Variants in BARD1 observed in about 807,000 individuals in gnomAD.
BARD1 encodes BRCA1 associated RING domain 1, also known as BRCA1-associated RING domain protein 1.
Under a neutral mutation model 77.0 loss-of-function variants are expected in BARD1, and 73 were observed. That is an observed-to-expected ratio of 0.95 (90% CI 0.79 to 1.15). The LOEUF (loss-of-function observed/expected upper bound fraction) is 1.15. Among genes scored for constraint, BARD1 ranks in the 50% most tolerant of loss-of-function variants. BARD1 has a pLI of 0.00. For synonymous variants in BARD1, 384 were observed against 338.0 expected (o/e 1.14, Z -1.49); for missense variants, 993 against 938.8 (o/e 1.06, Z -0.75).
At chr2:214,807,218 A>C (rs2106165161) in intron 1 of BARD1, among the ~76,000 whole-genome samples, 1 of 151,820 alleles carries the variant, frequency 6.6e-6, no homozygotes, top group Admixed American at 6.6e-5. Flanking sequence ...TTCGGATTAA[A>C]AAAAAAAAAA....
At position 214,745,853 on chromosome 2, in the gene BARD1, ATC is replaced by A. The variant is rs1553615184; in HGVS notation, c.1678-1_1678del. ...TCCATCCCTACGCTGCCCAGTGTTC[ATC>A]TGTTAATATAAAAGGAGATACCAGT... On this transcript the variant is annotated splice_acceptor_variant and coding_sequence_variant, in exon 8 of 11. Transcript: ENST00000260947. LOFTEE classifies it high-confidence loss of function. 1 of 1,614,010 alleles carries A rather than the reference ATC, an allele frequency of 6.2e-7. No individual in the cohort carries two copies. The highest frequency in any genetic ancestry group is 8.5e-7 in the Non-Finnish European group (1 of 1,179,958).
chr2:214,738,628 A>C (rs1296002424), intron 9 of BARD1, among the ~76,000 whole-genome samples: 3 of 152,178 alleles, frequency 2.0e-5, no homozygotes, highest in Admixed American at 2.0e-4. Flanking sequence ...CCTATAATAA[A>C]AAAAGATAAC....
At chr2:214,807,131 C>T (rs1350639429) in intron 1 of BARD1, among the ~76,000 whole-genome samples, 1 of 151,796 alleles carries the variant, frequency 6.6e-6, no homozygotes, top group African/African-American at 2.4e-5. Flanking sequence ...ATTACCTGGC[C>T]CTTTACCGAA....
Position 214,809,628 on chromosome 2 carries a change from A to G in BARD1, c.-59T>C. 6.6e-7 allele frequency: 1 copy of G among 1,515,778 alleles called. No individual in the cohort carries two copies. The highest frequency in any genetic ancestry group is 8.8e-7 in the Non-Finnish European group (1 of 1,131,172). 93.9% of individuals were successfully genotyped at this position (1,515,778 alleles called of 1,614,324 possible). On this transcript the variant is annotated 5_prime_UTR_variant, in exon 1 of 11. Coordinates refer to ENST00000260947, the MANE Select transcript of BARD1 (RefSeq NM_000465.4). ...GCGGGAAGCAAGGAAGCCTCGGGAA[A>G]CCACAGGGAAGCTGCAGGCCAGCGA...
chr2:214,781,247 T>C lies in BARD1; in HGVS notation c.627A>G (p.Lys209=), dbSNP rs772625144. 3 of 1,595,338 alleles carry C rather than the reference T, an allele frequency of 1.9e-6. 1 individual carries two copies. The highest frequency in any genetic ancestry group is 2.3e-5 in the South Asian group (2 of 85,954). The change falls in exon 4 of 11, where the codon AAA becomes AAG. Residue 209 remains lysine, a synonymous_variant. Transcript: ENST00000260947. ...SARSGKKQKK[K]TLAEINQKWN... is the part of the protein sequence containing the mutation. ...ATTTTTGGTTGATTTCAGCTAAAGT[T>C]TTCTTTTTTTGCTTTTTTCCAGATC...
intron 6 of BARD1, among the ~76,000 whole-genome samples, chr2:214,764,678 C>A (rs754173397): frequency 6.6e-6 from 1 of 152,052 alleles, no homozygotes; most frequent in South Asian, 2.1e-4. Flanking sequence ...GAGGAAGCCA[C>A]GGAAGGATTT....
chr2:214,809,371 C>G (rs555835196), intron 1 of BARD1, 41 bp downstream of exon 1: 1 of 1,609,980 alleles, frequency 6.2e-7, no homozygotes. Context: ...AACTGTGCGA[C>G]CCGTGCCCTC....
chr2:214,779,395 T>C (rs982292394), intron 4 of BARD1, among the ~76,000 whole-genome samples: 8 of 151,588 alleles, frequency 5.3e-5, no homozygotes, highest in Admixed American at 5.2e-4. Context: ...TTTTTTAATT[T>C]GCATTTTTTT....
chr2:214,728,489 C>G lies in BARD1; in HGVS notation c.*187G>C. ...AAAGAAAAACCTTTAAAAGCAATCCCAGCTTCTAAATGGTAAACATAACAT... is the reference window on the plus strand; with the variant it reads ...AAAGAAAAACCTTTAAAAGCAATCCGAGCTTCTAAATGGTAAACATAACAT... On this transcript the variant is annotated 3_prime_UTR_variant, in exon 11 of 11. Transcript: ENST00000260947. 1.6e-6 allele frequency: 1 copy of G among 631,100 alleles called. No individual in the cohort carries two copies. Among genetic ancestry groups the G allele is most frequent in the South Asian group, 2.1e-5 (1 of 47,742 alleles). The allele number at this position is 631,100 out of a possible 1,614,324, so 39.1% of individuals were successfully genotyped here.
At chr2:214,741,794 T>C (rs762109690) in intron 9 of BARD1, among the ~76,000 whole-genome samples, 3 of 152,326 alleles carry the variant, frequency 2.0e-5, no homozygotes, top group Middle Eastern at 3.4e-3. Flanking sequence ...GCTAAGTTCA[T>C]TAATTATGGC....
chr2:214,734,613 A>G (rs1004152487), intron 9 of BARD1, among the ~76,000 whole-genome samples: 3 of 152,122 alleles, frequency 2.0e-5, no homozygotes, highest in African/African-American at 7.2e-5. Context: ...TGCTCTGAAA[A>G]CTTTAATTTT....
intron 3 of BARD1, among the ~76,000 whole-genome samples, chr2:214,785,326 T>C (rs1374144160): frequency 6.6e-6 from 1 of 152,004 alleles, no homozygotes; most frequent in Non-Finnish European, 1.5e-5. Flanking sequence ...TACCTTCAAG[T>C]TGTCTTATGT....
In BARD1 at chr2:214,781,352, A is replaced by C. The variant is rs1060504190; in HGVS notation, c.522T>G (p.Ser174Arg). 3 of 1,613,764 alleles carry C rather than the reference A, an allele frequency of 1.9e-6. No homozygotes were observed. The highest frequency in any genetic ancestry group is 2.5e-6 in the Non-Finnish European group (3 of 1,179,924). The change falls in exon 4 of 11, where the codon AGT becomes AGG. Residue 174 changes from serine (S) to arginine (R), a missense_variant. Transcript: ENST00000260947. Reference sequence around the variant, plus strand: ...CAAATTCATATGAGTCTTGCTGAGCACTTGCATCTTTTTTTATTGCAGGCT... The same window carrying C: ...CAAATTCATATGAGTCTTGCTGAGCCCTTGCATCTTTTTTTATTGCAGGCT... Reference protein sequence around the residue: ...QTQPAIKKDASAQQDSYEFVS... With the variant: ...QTQPAIKKDARAQQDSYEFVS...
intron 1 of BARD1, among the ~76,000 whole-genome samples, chr2:214,798,703 T>C (rs756595275): frequency 1.0e-4 from 15 of 147,054 alleles, no homozygotes; most frequent in Non-Finnish European, 1.9e-4. Flanking sequence ...CAATCTATAA[T>C]GCTAGATAGG....
intron 3 of BARD1, among the ~76,000 whole-genome samples, chr2:214,787,892 G>A (rs998041422): frequency 6.6e-6 from 1 of 151,980 alleles, no homozygotes; most frequent in African/African-American, 2.4e-5. Context: ...CAGAAGTTGA[G>A]AAATCTCTTT....
chr2:214,772,108 G>A (rs917566026), intron 4 of BARD1, among the ~76,000 whole-genome samples: 6 of 151,352 alleles, frequency 4.0e-5, no homozygotes, highest in African/African-American at 1.5e-4. Flanking sequence ...GCTACTGCTA[G>A]GCATACATCA....
chr2:214,794,501 TTTTC>T (rs1326246109), intron 2 of BARD1, among the ~76,000 whole-genome samples: 1 of 152,226 alleles, frequency 6.6e-6, no homozygotes, highest in East Asian at 1.9e-4. Context: ...CACTCTATTT[TTTTC>T]TTTGATTTGT....
chr2:214,778,566 T>C (rs958617114), intron 4 of BARD1, among the ~76,000 whole-genome samples: 3 of 152,172 alleles, frequency 2.0e-5, no homozygotes, highest in African/African-American at 7.2e-5. Flanking sequence ...CATCATTTTA[T>C]CCTGACTTAA....
At chr2:214,782,229 T>C (rs1695074437) in intron 3 of BARD1, among the ~76,000 whole-genome samples, 1 of 152,152 alleles carries the variant, frequency 6.6e-6, no homozygotes. Context: ...TAACTACATA[T>C]TCAAACATAA....
Sources: gnomAD v4.1 joint callset for allele counts (sites outside exome capture counted in the v4.1 genomes callset) on GRCh38, gnomAD v4.1.1 for gene constraint, MANE v1.5 for transcripts, NCBI Gene and HGNC (gene_info 2026-07-23, HGNC 2026-07-21) for gene names.